The following IRF2BP2 variants were observed in gnomAD, a reference collection of about 807,000 sequenced individuals.
IRF2BP2 encodes interferon regulatory factor 2-binding protein 2.
IRF2BP2 carries 13 observed loss-of-function variants against 32.7 expected under a neutral mutation model. The observed-to-expected ratio is 0.40, with a 90% CI of 0.26 to 0.63. The LOEUF (loss-of-function observed/expected upper bound fraction) is 0.63. Among genes scored for constraint, IRF2BP2 ranks in the 30% least tolerant of loss-of-function variants. IRF2BP2 has a pLI of 0.42. For synonymous variants in IRF2BP2, 555 were observed against 384.6 expected, an observed-to-expected ratio of 1.44 and a Z score of -5.18; for missense variants, 980 against 830.6, an observed-to-expected ratio of 1.18 and a Z score of -2.21.
Position 234,608,460 on chromosome 1 carries a change from G to T in IRF2BP2, c.1035C>A (p.Asn345Lys). Residue 345 changes from asparagine (N) to lysine (K), a missense_variant, in exon 1 of 2, where the codon AAC (asparagine) becomes AAA (lysine). By Grantham distance (94) the Asn-to-Lys change is moderately conservative. Coordinates refer to ENST00000366609, the MANE Select transcript of IRF2BP2 (RefSeq NM_182972.3). ...RLLGFEANGA[N>K]GSKAVARTAR... The stretch of plus-strand genomic sequence containing the variant: ...AGCCGCCCCTACCTGCTTTAGACCC[G>T]TTGGCCCCGTTGGCCTCGAAACCCA... The T allele has an allele frequency of 6.3e-7, 1 of 1,583,068 alleles. No homozygotes were observed. Among genetic ancestry groups the T allele is most frequent in the Non-Finnish European group, 8.6e-7 (1 of 1,162,948 alleles).
In IRF2BP2 at chr1:234,604,440, T is replaced by C. The variant is rs939940835; in HGVS notation, c.*2697A>G. On this transcript the variant is annotated 3_prime_UTR_variant, in exon 2 of 2. Coordinates refer to ENST00000366609, the MANE Select transcript of IRF2BP2 (RefSeq NM_182972.3). ...TTCAGTTGACATGAGTTTCATCATATATAGAAAAAGTATCACCTTCAACTT... is the reference window on the plus strand; with the variant it reads ...TTCAGTTGACATGAGTTTCATCATACATAGAAAAAGTATCACCTTCAACTT... 2.8e-4 allele frequency: 43 copies of C among 152,184 alleles called. No homozygotes were observed. Among genetic ancestry groups the C allele is most frequent in the African/African-American group, 9.9e-4 (41 of 41,434 alleles). 9.4% of individuals were successfully genotyped at this position (152,184 alleles called of 1,614,324 possible).
Position 234,608,476 on chromosome 1 carries a change from T to C in IRF2BP2, c.1019A>G (p.Glu340Gly), listed in dbSNP as rs1672231631. 1.9e-6 allele frequency: 3 copies of C among 1,597,698 alleles called. No homozygotes were observed. The highest frequency in any genetic ancestry group is 2.6e-6 in the Non-Finnish European group (3 of 1,170,662). The stretch of plus-strand genomic sequence containing the variant: ...TTTAGACCCGTTGGCCCCGTTGGCC[T>C]CGAAACCCAACAACCTGCCTGCAGT... Reference protein sequence around the residue: ...ALTAGRLLGFEANGANGSKAV... With the variant: ...ALTAGRLLGFGANGANGSKAV... The change falls in exon 1 of 2, where the codon GAG (glutamate) becomes GGG (glycine). Residue 340 changes from glutamate to glycine, a missense_variant. Coordinates refer to ENST00000366609, the MANE Select transcript of IRF2BP2 (RefSeq NM_182972.3).
In IRF2BP2 at chr1:234,609,427, C is replaced by T. The variant is rs866437938; in HGVS notation, c.68G>A (p.Arg23His). The T allele has an allele frequency of 6.4e-7, 1 of 1,558,040 alleles. No individual in the cohort carries two copies. The highest frequency in any genetic ancestry group is 1.4e-5 in the African/African-American group (1 of 70,410). The change falls in exon 1 of 2, where the codon CGC becomes CAC. Residue 23 changes from arginine (R) to histidine (H), a missense_variant. By Grantham distance (29) the Arg-to-His change is conservative. Transcript: ENST00000366609. Reference protein sequence around the residue: ...RQSCYLCDLPRMPWAMIWDFT... With the variant: ...RQSCYLCDLPHMPWAMIWDFT... ...GTCCCAGATCATGGCCCAGGGCATG[C>T]GGGGCAGGTCACACAGGTAGCACGA...
rs913678595 is a variant in IRF2BP2 at position 234,605,438 on chromosome 1, C to T, written c.*1699G>A. On this transcript the variant is annotated 3_prime_UTR_variant, in exon 2 of 2. Transcript: ENST00000366609. ...ATAGGTGCACTCATTAAAAACACTA[C>T]GGAAAAACACTGTATTTGGTGCAGT... The T allele has an allele frequency of 6.6e-6, 1 of 152,162 alleles. No homozygotes were observed. The highest frequency in any genetic ancestry group is 2.4e-5 in the African/African-American group (1 of 41,432). 9.4% of individuals were successfully genotyped at this position (152,162 alleles called of 1,614,324 possible).
chr1:234,608,944 A>G lies in IRF2BP2; in HGVS notation c.551T>C (p.Val184Ala). 7.3e-7 allele frequency: 1 copy of G among 1,361,902 alleles called. No homozygotes were observed. The highest frequency in any genetic ancestry group is 9.4e-7 in the Non-Finnish European group (1 of 1,062,074). The allele number at this position is 1,361,902 out of a possible 1,614,324, so 84.4% of individuals were successfully genotyped here. The change falls in exon 1 of 2, where the codon GTG (valine) becomes GCG (alanine). Residue 184 changes from valine to alanine, a missense_variant. Physicochemically the swap from Val to Ala is moderately conservative, Grantham distance 64. Transcript: ENST00000366609. ...CATGAGCGGCACCAGGGTGGGCGGC[A>G]CCGCGTGGCCGCGCCGCGGGTTCGG... Reference protein sequence around the residue: ...QSPNPRRGHAVPPTLVPLMNG... With the variant: ...QSPNPRRGHAAPPTLVPLMNG...
Position 234,604,465 on chromosome 1 carries a change from TAAA to T in IRF2BP2, c.*2669_*2671del, listed in dbSNP as rs1364243123. On this transcript the variant is annotated 3_prime_UTR_variant, in exon 2 of 2. Coordinates refer to ENST00000366609, the MANE Select transcript of IRF2BP2 (RefSeq NM_182972.3). ...TATAGAAAAAGTATCACCTTCAACT[TAAA>T]AAAAGTAAAGGTTAAAAGGTGGCAC... 1 of 152,044 alleles carries T rather than the reference TAAA, an allele frequency of 6.6e-6. No individual in the cohort carries two copies. The highest frequency in any genetic ancestry group is 2.1e-4 in the South Asian group (1 of 4,820). The allele number at this position is 152,044 out of a possible 1,614,324, so 9.4% of individuals were successfully genotyped here. A position where few individuals can be genotyped will look rare whatever the true frequency, so the allele number is the denominator to read the frequency against.
In IRF2BP2 at chr1:234,607,130, G is replaced by T; in HGVS notation, c.*7C>A. 1.3e-6 allele frequency: 2 copies of T among 1,598,604 alleles called. No individual in the cohort carries two copies. Among genetic ancestry groups the T allele is most frequent in the South Asian group, 1.1e-5 (1 of 90,486 alleles). Reference sequence around the variant, plus strand: ...GTAATCATTGGGTTTTTCTGAAACCGGAAAAGTCACGAGTCTCTCTCTTTT... The same window carrying T: ...GTAATCATTGGGTTTTTCTGAAACCTGAAAAGTCACGAGTCTCTCTCTTTT... On this transcript the variant is annotated 3_prime_UTR_variant, in exon 2 of 2. Coordinates refer to ENST00000366609, the MANE Select transcript of IRF2BP2 (RefSeq NM_182972.3).
Position 234,607,386 on chromosome 1 carries a change from G to A in IRF2BP2, c.1515C>T (p.Cys505=). Residue 505 remains cysteine (C), a synonymous_variant, in exon 2 of 2, where the codon TGC becomes TGT. Transcript: ENST00000366609. Reference sequence around the variant, plus strand: ...CCAGCCGCTCGTGGCAGAGGGTGCAGCACAGCGGGGCACTGGTTGCCAGAG... The same window carrying A: ...CCAGCCGCTCGTGGCAGAGGGTGCAACACAGCGGGGCACTGGTTGCCAGAG... ...DSSLATSAPL[C]CTLCHERLED... is the part of the protein sequence containing the mutation. 2 of 1,613,990 alleles carry A rather than the reference G, an allele frequency of 1.2e-6. No individual in the cohort carries two copies.
chr1:234,609,372 G>A lies in IRF2BP2; in HGVS notation c.123C>T (p.Val41=), dbSNP rs543187746. 3.3e-5 allele frequency: 51 copies of A among 1,554,122 alleles called. No homozygotes were observed. The South Asian group carries it at 4.6e-4, about 14-fold the overall frequency. ...CGACGCGGTCGGCGCCCTCGTAGTT[G>A]ACGCAGCCGCGGCAGACGGGTTCGG... ...DFTEPVCRGC[V]NYEGADRVEF... is the part of the protein sequence containing the mutation. Residue 41 remains valine, a synonymous_variant, in exon 1 of 2, where the codon GTC becomes GTT. Coordinates refer to ENST00000366609, the MANE Select transcript of IRF2BP2 (RefSeq NM_182972.3).
At chr1:234,608,262 C>A (rs1672222125) in intron 1 of IRF2BP2, among the ~76,000 whole-genome samples, 185 bp downstream of exon 1, 1 of 152,218 alleles carries the variant, frequency 6.6e-6, no homozygotes. Flanking sequence ...TGACTCATCT[C>A]TGTTATGCTG....
rs1672175305 is a variant in IRF2BP2 at position 234,606,898 on chromosome 1, A to T, written c.*239T>A. The T allele has an allele frequency of 5.4e-6, 2 of 368,342 alleles. No individual in the cohort carries two copies. Among genetic ancestry groups the T allele is most frequent in the Non-Finnish European group, 9.8e-6 (2 of 203,236 alleles). The allele number at this position is 368,342 out of a possible 1,614,324, so 22.8% of individuals were successfully genotyped here. A position where few individuals can be genotyped will look rare whatever the true frequency, so the allele number is the denominator to read the frequency against. Reference sequence around the variant, plus strand: ...AACGGTAACTGTCACCAGGATAATAAAGCACAAAGATATGCTAATAACGTT... The same window carrying T: ...AACGGTAACTGTCACCAGGATAATATAGCACAAAGATATGCTAATAACGTT... On this transcript the variant is annotated 3_prime_UTR_variant, in exon 2 of 2. Transcript: ENST00000366609.
In IRF2BP2 at chr1:234,608,692, C is replaced by A; in HGVS notation, c.803G>T (p.Gly268Val). 6.6e-7 allele frequency: 1 copy of A among 1,505,044 alleles called. No individual in the cohort carries two copies. Among genetic ancestry groups the A allele is most frequent in the Non-Finnish European group, 8.8e-7 (1 of 1,137,570 alleles). 93.2% of individuals were successfully genotyped at this position (1,505,044 alleles called of 1,614,324 possible). Reference sequence around the variant, plus strand: ...CGCGGTGGACAGGCTGTCGGCCGGGCCCCGGTGCGCAGGCGGCGGCGGTTG... The same window carrying A: ...CGCGGTGGACAGGCTGTCGGCCGGGACCCGGTGCGCAGGCGGCGGCGGTTG... ...EKQPPPPAHR[G>V]PADSLSTAAG... Residue 268 changes from glycine (G) to valine (V), a missense_variant, in exon 1 of 2, where the codon GGC becomes GTC. Physicochemically the swap from Gly to Val is moderately radical, Grantham distance 109 (BLOSUM62 -3). Transcript: ENST00000366609.
At position 234,607,295 on chromosome 1, in the gene IRF2BP2, G is replaced by C. The variant is rs765750383; in HGVS notation, c.1606C>G (p.Gln536Glu). 8 of 1,614,122 alleles carry C rather than the reference G, an allele frequency of 5.0e-6. No homozygotes were observed. In the African/African-American group the frequency reaches 5.3e-5, roughly 11 times the overall value. Reference sequence around the variant, plus strand: ...CTAGCTCCCTGCTGTTTGATGCTTTGTCTGGAGCAAGGGAAGCAGAACTTG... The same window carrying C: ...CTAGCTCCCTGCTGTTTGATGCTTTCTCTGGAGCAAGGGAAGCAGAACTTG... Reference protein sequence around the residue: ...SHKFCFPCSRQSIKQQGASGE... With the variant: ...SHKFCFPCSRESIKQQGASGE... Residue 536 changes from glutamine (Q) to glutamate (E), a missense_variant, in exon 2 of 2, where the codon CAA becomes GAA. By Grantham distance (29) the Gln-to-Glu change is conservative. Coordinates refer to ENST00000366609, the MANE Select transcript of IRF2BP2 (RefSeq NM_182972.3).
chr1:234,608,458 C>T lies in IRF2BP2; in HGVS notation c.1037G>A (p.Gly346Glu), dbSNP rs551340513. ...ACAGCCGCCCCTACCTGCTTTAGAC[C>T]CGTTGGCCCCGTTGGCCTCGAAACC... ...LLGFEANGAN[G>E]SKAVARTARK... is the part of the protein sequence containing the mutation. The change falls in exon 1 of 2, where the codon GGG becomes GAG. Residue 346 changes from glycine (G) to glutamate (E), a missense_variant. Gly to Glu is a moderately conservative substitution (Grantham distance 98). Transcript: ENST00000366609. 3 of 1,579,688 alleles carry T rather than the reference C, an allele frequency of 1.9e-6. No homozygotes were observed. Among genetic ancestry groups the T allele is most frequent in the Non-Finnish European group, 8.6e-7 (1 of 1,160,968 alleles).
In IRF2BP2 at chr1:234,605,078, G is replaced by C. The variant is rs1672123423; in HGVS notation, c.*2059C>G. 4 of 152,310 alleles carry C rather than the reference G, an allele frequency of 2.6e-5. No individual in the cohort carries two copies. The South Asian group carries it at 6.2e-4, about 24-fold the overall frequency. 9.4% of individuals were successfully genotyped at this position (152,310 alleles called of 1,614,324 possible). ...GGTTCTGTATTAATCTTTTTGGAAA[G>C]CATGTCTGTATTAAGATTGCAAAAC... On this transcript the variant is annotated 3_prime_UTR_variant, in exon 2 of 2. Coordinates refer to ENST00000366609, the MANE Select transcript of IRF2BP2 (RefSeq NM_182972.3).
Position 234,609,057 on chromosome 1 carries a change from C to G in IRF2BP2, c.438G>C (p.Pro146=). The G allele has an allele frequency of 7.8e-7, 1 of 1,282,722 alleles. No individual in the cohort carries two copies. Among genetic ancestry groups the G allele is most frequent in the Non-Finnish European group, 9.8e-7 (1 of 1,017,348 alleles). 79.5% of individuals were successfully genotyped at this position (1,282,722 alleles called of 1,614,324 possible). A position where few individuals can be genotyped will look rare whatever the true frequency, so the allele number is the denominator to read the frequency against. ...CGTTCACGGGCGGCGGCTGCGGCGT[C>G]GGCGGCTGGGCCAGGCTCGCTGCCG... is the stretch of plus-strand genomic sequence containing the variant. ...SRPAASLAQP[P]TPQPPPVNGI... Residue 146 remains proline, a synonymous_variant, in exon 1 of 2, where the codon CCG becomes CCC. Transcript: ENST00000366609.
rs1299068410 is a variant in IRF2BP2, at chr1:234,609,080, C to G, written c.415G>C (p.Ala139Pro). ...GTCGGCGGCTGGGCCAGGCTCGCTG[C>G]CGGGCGGCTGCTGCCGAAGTCAGAG... Reference protein sequence around the residue: ...LGSDFGSSRPAASLAQPPTPQ... With the variant: ...LGSDFGSSRPPASLAQPPTPQ... Residue 139 changes from alanine (A) to proline (P), a missense_variant, in exon 1 of 2, where the codon GCA becomes CCA. By Grantham distance (27) the Ala-to-Pro change is conservative (BLOSUM62 -1). Transcript: ENST00000366609. 8.0e-7 allele frequency: 1 copy of G among 1,248,574 alleles called. No individual in the cohort carries two copies. Among genetic ancestry groups the G allele is most frequent in the African/African-American group, 1.5e-5 (1 of 64,532 alleles). The allele number at this position is 1,248,574 out of a possible 1,614,324, so 77.3% of individuals were successfully genotyped here.
rs1160235936 is a variant in IRF2BP2 at position 234,608,882 on chromosome 1, G to A, written c.613C>T (p.Leu205Phe). The A allele has an allele frequency of 3.0e-6, 4 of 1,322,424 alleles. No individual in the cohort carries two copies. Among genetic ancestry groups the A allele is most frequent in the South Asian group, 2.2e-5 (1 of 45,572 alleles). 81.9% of individuals were successfully genotyped at this position (1,322,424 alleles called of 1,614,324 possible). A position where few individuals can be genotyped will look rare whatever the true frequency, so the allele number is the denominator to read the frequency against. Reference sequence around the variant, plus strand: ...AAGGAGGCGGCAGCGCGGCCGCCGAGGCCGAGCGCGGTGGGCAGCGGCGTG... The same window carrying A: ...AAGGAGGCGGCAGCGCGGCCGCCGAAGCCGAGCGCGGTGGGCAGCGGCGTG... ...SATPLPTALGLGGRAAASLAA... is the reference protein window; with the variant it reads ...SATPLPTALGFGGRAAASLAA... The change falls in exon 1 of 2, where the codon CTC becomes TTC. Residue 205 changes from leucine to phenylalanine, a missense_variant. Physicochemically the swap from Leu to Phe is conservative, Grantham distance 22. Transcript: ENST00000366609.
intron 1 of IRF2BP2, 91 bp downstream of exon 1, chr1:234,608,356 G>T (rs1024782493): frequency 2.0e-5 from 22 of 1,081,666 alleles, no homozygotes; most frequent in Middle Eastern, 4.3e-4. Context: ...TTTCTGGGCT[G>T]GGGTAAAATG....
Sources: gnomAD v4.1 joint callset for allele counts (sites outside exome capture counted in the v4.1 genomes callset) on GRCh38, gnomAD v4.1.1 for gene constraint, MANE v1.5 for transcripts, NCBI Gene and HGNC (gene_info 2026-07-23, HGNC 2026-07-21) for gene names.